Variants in IGF2BP3 observed in about 807,000 individuals in gnomAD.
IGF2BP3 encodes insulin like growth factor 2 mRNA binding protein 3.
Under a neutral mutation model 73.8 loss-of-function variants are expected in IGF2BP3, and 9 were observed. That is an observed-to-expected ratio of 0.12 (90% CI 0.07 to 0.21). IGF2BP3 has a LOEUF of 0.21. Ranked by LOEUF, IGF2BP3 falls within the 10% of genes least tolerant of loss-of-function variation. The probability of loss-of-function intolerance (pLI) is 1.00; values close to 1 mark genes in which losing one functional copy is unlikely to be tolerated. For synonymous variants in IGF2BP3, 258 were observed against 256.7 expected, an observed-to-expected ratio of 1.01 and a Z score of -0.05; for missense variants, 542 against 714.0, an observed-to-expected ratio of 0.76 and a Z score of 2.75.
intron 5 of IGF2BP3, among the ~76,000 whole-genome samples, chr7:23,361,152 A>G (rs987619984): frequency 2.0e-5 from 3 of 152,232 alleles, no homozygotes; most frequent in African/African-American, 7.2e-5. Context: ...GTTGTTTAAC[A>G]CATGATCCAA....
Position 23,313,589 on chromosome 7 carries a change from T to C in IGF2BP3, c.1460A>G (p.Lys487Arg). 6.2e-7 allele frequency: 1 copy of C among 1,614,088 alleles called. No homozygotes were observed. The highest frequency in any genetic ancestry group is 2.2e-5 in the East Asian group (1 of 44,880). ...TGGCACTCTGATATGAGCTTCAAGT[T>C]TCACCTCTTCTTTAGGACTAACAAA... ...ENFVSPKEEV[K>R]LEAHIRVPSF... Residue 487 changes from lysine (K) to arginine (R), a missense_variant, in exon 13 of 15, where the codon AAA becomes AGA. Lys to Arg is a conservative substitution (Grantham distance 26). Coordinates refer to ENST00000258729, the MANE Select transcript of IGF2BP3 (RefSeq NM_006547.3).
chr7:23,463,268 A>G (rs1788491734), intron 2 of IGF2BP3, among the ~76,000 whole-genome samples: 1 of 152,228 alleles, frequency 6.6e-6, no homozygotes, highest in Admixed American at 6.5e-5. Context: ...CTTCAAATAC[A>G]TGAAGGTAGT....
rs1013460964 is a variant in IGF2BP3 at position 23,311,825 on chromosome 7, T to TA, written c.*536dup. 1.0e-4 allele frequency: 16 copies of TA among 152,896 alleles called. No homozygotes were observed. Among genetic ancestry groups the TA allele is most frequent in the Admixed American group, 3.3e-4 (5 of 15,296 alleles). The allele number at this position is 152,896 out of a possible 1,614,324, so 9.5% of individuals were successfully genotyped here. On this transcript the variant is annotated 3_prime_UTR_variant, in exon 15 of 15. Coordinates refer to ENST00000258729, the MANE Select transcript of IGF2BP3 (RefSeq NM_006547.3). ...TAGTTGAGTAAAAATGCACGTTTAA[T>TA]ACCCCTGCCAACACCATTCAGCACT...
chr7:23,395,328 T>C (rs1339278356), intron 3 of IGF2BP3, among the ~76,000 whole-genome samples: 2 of 152,000 alleles, frequency 1.3e-5, no homozygotes, highest in Non-Finnish European at 2.9e-5. Context: ...TTCCAAAACA[T>C]CTGATCCCTG....
In IGF2BP3 at chr7:23,327,071, TA is replaced by T. The variant is rs1473086955; in HGVS notation, c.1204-7818del. The stretch of plus-strand genomic sequence containing the variant: ...ACCCTAAAACTTAAAGTATAATAAA[TA>T]AATTAATTAATTAATTAATTAAAAA... On this transcript the variant is annotated intron_variant, in intron 10 of 14. Coordinates refer to ENST00000258729, the MANE Select transcript of IGF2BP3 (RefSeq NM_006547.3). Among the ~76,000 whole-genome samples the T allele has an allele frequency of 4.3e-3, 645 of 150,772 alleles. 4 individuals are homozygous for T. The highest frequency in any genetic ancestry group is 0.014 in the African/African-American group (576 of 40,430).
At position 23,439,554 on chromosome 7, in the gene IGF2BP3, CAAAAAAAAAAAAAA is replaced by C. The variant is rs11332929; in HGVS notation, c.237-20744_237-20731del. ...CCTGGGAGACAACGAGACTCCGTCT[CAAAAAAAAAAAAAA>C]AAAAAAAAAGACATGTTTAAACTCT... On this transcript the variant is annotated intron_variant, in intron 2 of 14. Coordinates refer to ENST00000258729, the MANE Select transcript of IGF2BP3 (RefSeq NM_006547.3). 2.3e-4 allele frequency among the ~76,000 whole-genome samples: 13 copies of C among 56,724 alleles called. No individual in the cohort carries two copies. The East Asian group carries it at 8.1e-3, about 35-fold the overall frequency. The allele number at this position is 56,724 out of a possible 152,430, so 37.2% of individuals were successfully genotyped here.
rs1784397321 is a variant in IGF2BP3, at chr7:23,329,759, C to G, written c.1204-10505G>C. On this transcript the variant is annotated intron_variant, in intron 10 of 14. Transcript: ENST00000258729. ...GTGGCAAGATCAGTTTGGGTCTCCT[C>G]TGTGTGAGGTGCTGTGCATGACCTC... 3.9e-5 allele frequency among the ~76,000 whole-genome samples: 6 copies of G among 152,308 alleles called. No individual in the cohort carries two copies. In the South Asian group the frequency reaches 1.0e-3, roughly 26 times the overall value.
At chr7:23,426,242 G>A (rs1222156542) in intron 2 of IGF2BP3, among the ~76,000 whole-genome samples, 1 of 147,082 alleles carries the variant, frequency 6.8e-6, no homozygotes, top group Non-Finnish European at 1.5e-5. Flanking sequence ...CAGGAGAATC[G>A]CTTGAACTCA....
intron 5 of IGF2BP3, among the ~76,000 whole-genome samples, chr7:23,356,394 C>CAA (rs1177814290): frequency 7.4e-6 from 1 of 135,958 alleles, no homozygotes; most frequent in African/African-American, 2.7e-5. Context: ...CCTGCCTCTA[C>CAA]AAAAAAAAAA....
intron 2 of IGF2BP3, among the ~76,000 whole-genome samples, chr7:23,449,090 T>C (rs554105812): frequency 1.3e-5 from 2 of 151,676 alleles, no homozygotes; most frequent in East Asian, 3.9e-4. Flanking sequence ...ATTTTTTCAT[T>C]TGCTTATCTT....
chr7:23,463,456 T>C (rs1356724707), intron 2 of IGF2BP3, among the ~76,000 whole-genome samples: 1 of 152,236 alleles, frequency 6.6e-6, no homozygotes, highest in Admixed American at 6.5e-5. Flanking sequence ...TCAAGCTCCT[T>C]ACAGGAAAAA....
At chr7:23,432,698 C>T (rs994874016) in intron 2 of IGF2BP3, among the ~76,000 whole-genome samples, 10 of 150,744 alleles carry the variant, frequency 6.6e-5, no homozygotes, top group Admixed American at 3.3e-4. Context: ...GGAGTGCAAA[C>T]GGCATGATCT....
chr7:23,375,842 G>A (rs1785700067), intron 3 of IGF2BP3, among the ~76,000 whole-genome samples: 1 of 152,154 alleles, frequency 6.6e-6, no homozygotes, highest in African/African-American at 2.4e-5. Flanking sequence ...AATAATGATA[G>A]GAATGTTTCC....
intron 3 of IGF2BP3, among the ~76,000 whole-genome samples, chr7:23,389,829 A>G (rs372794134): frequency 1.1e-5 from 1 of 88,882 alleles, no homozygotes; most frequent in Non-Finnish European, 1.9e-5. Context: ...TCCCTTCTGT[A>G]AAAAAAAAAA....
intron 3 of IGF2BP3, among the ~76,000 whole-genome samples, chr7:23,368,077 CAA>C (rs2128510396): frequency 6.6e-6 from 1 of 151,842 alleles, no homozygotes; most frequent in Non-Finnish European, 1.5e-5. Context: ...ATGAAAAATG[CAA>C]AGATTATCAC....
At chr7:23,429,742 A>G (rs764272737) in intron 2 of IGF2BP3, among the ~76,000 whole-genome samples, 5 of 152,224 alleles carry the variant, frequency 3.3e-5, no homozygotes, top group Non-Finnish European at 5.9e-5. Flanking sequence ...TGAGGAAAAC[A>G]CAACTACTCA....
rs141503791 is a variant in IGF2BP3 at position 23,402,784 on chromosome 7, A to G, written c.285+15992T>C. On this transcript the variant is annotated intron_variant, in intron 3 of 14. Transcript: ENST00000258729. ...TAATAATTTATTTTCATTGTGTTTTACAAAAAAGTCAGTAATCAATTAGAA... is the reference window on the plus strand; with the variant it reads ...TAATAATTTATTTTCATTGTGTTTTGCAAAAAAGTCAGTAATCAATTAGAA... 2.4e-4 allele frequency: 37 copies of G among 152,324 alleles called. No homozygotes were observed. In the East Asian group the frequency reaches 6.9e-3, roughly 29 times the overall value. The allele number at this position is 152,324 out of a possible 1,614,324, so 9.4% of individuals were successfully genotyped here.
At position 23,378,030 on chromosome 7, in the gene IGF2BP3, T is replaced by A. The variant is rs117047908; in HGVS notation, c.286-16289A>T. On this transcript the variant is annotated intron_variant, in intron 3 of 14. Coordinates refer to ENST00000258729, the MANE Select transcript of IGF2BP3 (RefSeq NM_006547.3). ...AATTAAAATGTCTTAAGATTAGTGG[T>A]GATACTTCCAAACCTTTAGACTATA... Among the ~76,000 whole-genome samples the A allele has an allele frequency of 4.8e-3, 738 of 152,292 alleles. 9 individuals are homozygous for A. The South Asian group carries it at 0.061, about 12-fold the overall frequency.
Position 23,391,574 on chromosome 7 carries a change from T to C in IGF2BP3, c.285+27202A>G, listed in dbSNP as rs192636287. On this transcript the variant is annotated intron_variant, in intron 3 of 14. Transcript: ENST00000258729. ...AGTGCTGATTAATTTTTAACTTCTT[T>C]GGAACTGAGCCCCAAACAAAACATG... Among the ~76,000 whole-genome samples the C allele has an allele frequency of 2.7e-3, 409 of 152,312 alleles. 1 individual carries two copies. Among genetic ancestry groups the C allele is most frequent in the Non-Finnish European group, 3.8e-3 (261 of 68,016 alleles).
Sources: gnomAD v4.1 joint callset for allele counts (sites outside exome capture counted in the v4.1 genomes callset) on GRCh38, gnomAD v4.1.1 for gene constraint, MANE v1.5 for transcripts, NCBI Gene and HGNC (gene_info 2026-07-23, HGNC 2026-07-21) for gene names.